Variants in GIPC2 observed in about 807,000 individuals in gnomAD.
GIPC2 encodes PDZ domain-containing protein GIPC2.
Under a neutral mutation model 30.6 loss-of-function variants are expected in GIPC2, and 30 were observed. The ratio of observed to expected loss-of-function variants is 0.98; its 90% CI spans 0.73 to 1.33. The LOEUF is 1.33. Ranked by LOEUF, GIPC2 falls within the 40% of genes most tolerant of loss-of-function variation. The pLI, the probability that GIPC2 is intolerant of heterozygous loss-of-function variation, is 0.00. For missense variants in GIPC2, 414 were observed against 390.3 expected, an observed-to-expected ratio of 1.06 and a Z score of -0.51; for synonymous variants, 167 against 150.0, an observed-to-expected ratio of 1.11 and a Z score of -0.83.
intron 1 of GIPC2, among the ~76,000 whole-genome samples, chr1:78,080,074 A>G (rs1661795723): frequency 2.6e-5 from 4 of 152,098 alleles, no homozygotes; most frequent in Admixed American, 2.6e-4. Context: ...TTAACACCTC[A>G]TTCACTAAAT....
rs1308535322 is a variant in GIPC2 at position 78,117,516 on chromosome 1, C to T, written c.608-1877C>T. On this transcript the variant is annotated intron_variant, in intron 3 of 5. Transcript: ENST00000370759. ...TAAGGAATGTACAACCTAGATCCCT[C>T]ACATGCACAATTCACAGTAGGGTTC... is the stretch of plus-strand genomic sequence containing the variant. 4.6e-5 allele frequency among the ~76,000 whole-genome samples: 7 copies of T among 152,210 alleles called. No individual in the cohort carries two copies. The East Asian group carries it at 1.3e-3, about 29-fold the overall frequency.
Position 78,136,505 on chromosome 1 carries a change from T to G in GIPC2, c.*762T>G, listed in dbSNP as rs1011240965. ...AAACATTATTTCTTTTTTTCACTCA[T>G]AGCCACTTTTATGTTACCTTTTATA... On this transcript the variant is annotated 3_prime_UTR_variant, in exon 6 of 6. Coordinates refer to ENST00000370759, the MANE Select transcript of GIPC2 (RefSeq NM_017655.6). The G allele has an allele frequency of 7.9e-5, 12 of 151,960 alleles. No homozygotes were observed. Among genetic ancestry groups the G allele is most frequent in the African/African-American group, 2.9e-4 (12 of 41,412 alleles). The allele number at this position is 151,960 out of a possible 1,614,324, so 9.4% of individuals were successfully genotyped here.
chr1:78,109,165 A>T (rs1267052251), intron 3 of GIPC2, among the ~76,000 whole-genome samples: 2 of 152,228 alleles, frequency 1.3e-5, no homozygotes, highest in South Asian at 2.1e-4. Context: ...AGAGCAGAAA[A>T]GGAGAGAGAC....
intron 5 of GIPC2, among the ~76,000 whole-genome samples, chr1:78,128,773 C>A (rs557640076): frequency 2.0e-5 from 3 of 151,802 alleles, no homozygotes; most frequent in Non-Finnish European, 4.4e-5. Context: ...TAACCCTAAC[C>A]CTAAAAGAGA....
chr1:78,124,060 A>G (rs1662736175), intron 4 of GIPC2, among the ~76,000 whole-genome samples: 1 of 152,234 alleles, frequency 6.6e-6, no homozygotes, highest in Admixed American at 6.5e-5. Context: ...ACAGTATTGA[A>G]AGTAACATGA....
intron 5 of GIPC2, among the ~76,000 whole-genome samples, chr1:78,133,168 A>G (rs1461879390): frequency 6.6e-6 from 1 of 152,238 alleles, no homozygotes; most frequent in Non-Finnish European, 1.5e-5. Context: ...TTTATTATGC[A>G]TGAGACACTG....
upstream of GIPC2, chr1:78,045,870 C>A: frequency 1.5e-6 from 2 of 1,320,838 alleles, no homozygotes. Context: ...GACTACGTAA[C>A]TTTCTTTCTC....
At chr1:78,103,288 A>G (rs1462477450) in intron 3 of GIPC2, among the ~76,000 whole-genome samples, 1 of 152,220 alleles carries the variant, frequency 6.6e-6, no homozygotes, top group Non-Finnish European at 1.5e-5. Flanking sequence ...AGCAGTGAAG[A>G]GCATAGACTG....
chr1:78,123,906 G>T (rs1662733464), intron 4 of GIPC2, among the ~76,000 whole-genome samples: 1 of 152,148 alleles, frequency 6.6e-6, no homozygotes, highest in Non-Finnish European at 1.5e-5. Context: ...GCAATATATT[G>T]TCTGTTATTG....
chr1:78,057,233 T>C (rs1013710246), intron 1 of GIPC2, among the ~76,000 whole-genome samples: 26 of 152,234 alleles, frequency 1.7e-4, no homozygotes, highest in Non-Finnish European at 1.5e-5. Flanking sequence ...TCCTATGTTT[T>C]TTATTTCAGT....
At chr1:78,045,790 T>A, upstream of GIPC2, 1 of 1,151,100 alleles carries the variant, frequency 8.7e-7, no homozygotes, top group Non-Finnish European at 1.1e-6. Flanking sequence ...AGCGTCGGCA[T>A]CCTCAGGCGT....
At chr1:78,056,174 T>G (rs773796820) in intron 1 of GIPC2, among the ~76,000 whole-genome samples, 3 of 152,212 alleles carry the variant, frequency 2.0e-5, no homozygotes, top group Non-Finnish European at 4.4e-5. Flanking sequence ...AGACTGGCAG[T>G]TAGTATGCAG....
chr1:78,098,715 GA>G (rs2100385883), intron 3 of GIPC2, among the ~76,000 whole-genome samples: 1 of 151,724 alleles, frequency 6.6e-6, no homozygotes, highest in South Asian at 2.1e-4. Flanking sequence ...GGGCTTTAAA[GA>G]TGTAACTAGG....
intron 3 of GIPC2, among the ~76,000 whole-genome samples, chr1:78,102,137 C>G (rs1324009265): frequency 3.3e-5 from 5 of 152,186 alleles, no homozygotes; most frequent in African/African-American, 9.7e-5. Context: ...AACTTACCTC[C>G]TAAAGCATTT....
rs138518573 is a variant in GIPC2, at chr1:78,087,717, CAA to C, written c.426+6859_426+6860del. ...ATTGGAATGGGCAAAGATTTCATGACAAAGACACCAAAGCAATCAGAATAGAA... is the reference window on the plus strand; with the variant it reads ...ATTGGAATGGGCAAAGATTTCATGACAGACACCAAAGCAATCAGAATAGAA... On this transcript the variant is annotated intron_variant, in intron 2 of 5. Coordinates refer to ENST00000370759, the MANE Select transcript of GIPC2 (RefSeq NM_017655.6). 1.6e-3 allele frequency among the ~76,000 whole-genome samples: 251 copies of C among 152,286 alleles called. 4 individuals carry two copies. In the East Asian group the frequency reaches 0.045, roughly 27 times the overall value.
intron 3 of GIPC2, among the ~76,000 whole-genome samples, chr1:78,100,189 G>A (rs371507868): frequency 2.2e-4 from 33 of 152,322 alleles, no homozygotes; most frequent in African/African-American, 6.0e-4. Context: ...TAGGCATGAA[G>A]AGAAGAGAAA....
rs1253388816 is a variant in GIPC2, at chr1:78,095,149, T to TGG, written c.607+19_607+20dup. ...AGGCATTTGGTAAGTCAGGGGTTGG[T>TGG]GGGCGGGTGTGTGAAATGTTTGCTT... On this transcript the variant is annotated intron_variant, in intron 3 of 5. Transcript: ENST00000370759. 3 of 1,580,282 alleles carry TGG rather than the reference T, an allele frequency of 1.9e-6. No homozygotes were observed. In the African/African-American group the frequency reaches 4.1e-5, roughly 21 times the overall value.
intron 1 of GIPC2, 136 bp downstream of exon 1, chr1:78,046,470 G>C: frequency 2.6e-6 from 2 of 766,196 alleles, no homozygotes; most frequent in Non-Finnish European, 4.2e-6. Flanking sequence ...TCCGCCGGGG[G>C]CGTCCCGGGG....
chr1:78,045,476 GAAGC>G, upstream of GIPC2: 1 of 752,732 alleles, frequency 1.3e-6, no homozygotes, highest in Non-Finnish European at 1.6e-6. Context: ...GTTGGGAGAG[GAAGC>G]AGCCCAGGAA....
Sources: gnomAD v4.1 joint callset for allele counts (sites outside exome capture counted in the v4.1 genomes callset) on GRCh38, gnomAD v4.1.1 for gene constraint, MANE v1.5 for transcripts, NCBI Gene and HGNC (gene_info 2026-07-23, HGNC 2026-07-21) for gene names.